The following FARS2 variants were observed in gnomAD, a reference collection of about 807,000 sequenced individuals.
The protein encoded by FARS2 is phenylalanine--tRNA ligase, mitochondrial.
In FARS2, 40 loss-of-function variants were observed where a neutral mutation model predicts 46.4. That is an observed-to-expected ratio of 0.86 (90% CI 0.67 to 1.12). The LOEUF (loss-of-function observed/expected upper bound fraction) is 1.12, where lower values mean the gene tolerates loss of function less well. Ranked by LOEUF, FARS2 falls within the 50% of genes most tolerant of loss-of-function variation. The pLI, the probability that FARS2 is intolerant of heterozygous loss-of-function variation, is 0.00. For missense variants in FARS2, 513 were observed against 567.9 expected (o/e 0.90, Z 0.98); for synonymous variants, 234 against 214.9 (o/e 1.09, Z -0.78).
At chr6:5,475,126 A>T (rs1347667457) in intron 4 of FARS2, among the ~76,000 whole-genome samples, 1 of 152,218 alleles carries the variant, frequency 6.6e-6, no homozygotes, top group Non-Finnish European at 1.5e-5. Context: ...GATTGTTTGC[A>T]GATAGGAGAA....
intron 5 of FARS2, among the ~76,000 whole-genome samples, chr6:5,590,683 G>A (rs755248567): frequency 6.6e-6 from 1 of 152,192 alleles, no homozygotes; most frequent in Non-Finnish European, 1.5e-5. Context: ...ATATTAGTCA[G>A]TGGAAGTACA....
intron 4 of FARS2, among the ~76,000 whole-genome samples, chr6:5,540,987 T>C (rs1172726508): frequency 6.6e-6 from 1 of 152,140 alleles, no homozygotes; most frequent in Admixed American, 6.5e-5. Flanking sequence ...GGTGCTGTTG[T>C]TAGGGGTTAT....
intron 5 of FARS2, among the ~76,000 whole-genome samples, chr6:5,591,249 C>T (rs2150603819): frequency 6.6e-6 from 1 of 152,286 alleles, no homozygotes; most frequent in African/African-American, 2.4e-5. Context: ...GTTTAGGTGT[C>T]TGAAAGTCAC....
At chr6:5,350,187 T>G (rs968488224) in intron 1 of FARS2, among the ~76,000 whole-genome samples, 3 of 114,140 alleles carry the variant, frequency 2.6e-5, no homozygotes, top group African/African-American at 8.6e-5. Context: ...TTTTTTTTTT[T>G]TGTAGAGTTG....
chr6:5,601,197 C>T (rs1183297368), intron 5 of FARS2, among the ~76,000 whole-genome samples: 1 of 151,952 alleles, frequency 6.6e-6, no homozygotes, highest in Non-Finnish European at 1.5e-5. Flanking sequence ...TTACAGCAGC[C>T]CAAGCTACAT....
chr6:5,361,380 T>C (rs1178398168), intron 1 of FARS2, among the ~76,000 whole-genome samples: 1 of 152,104 alleles, frequency 6.6e-6, no homozygotes, highest in Non-Finnish European at 1.5e-5. Flanking sequence ...CTTCTTTGTG[T>C]TTAACTTCTG....
At chr6:5,715,798 A>G (rs1197712363) in intron 6 of FARS2, among the ~76,000 whole-genome samples, 1 of 152,174 alleles carries the variant, frequency 6.6e-6, no homozygotes, top group Admixed American at 6.5e-5. Context: ...TTTTCTGTAG[A>G]TTAACTTTAA....
intron 5 of FARS2, among the ~76,000 whole-genome samples, chr6:5,576,275 G>A (rs1772957353): frequency 6.6e-6 from 1 of 152,138 alleles, no homozygotes; most frequent in African/African-American, 2.4e-5. Flanking sequence ...AGGAAAGGCA[G>A]ATCCACCCTT....
chr6:5,551,150 A>G (rs1219094016), intron 5 of FARS2, among the ~76,000 whole-genome samples: 1 of 152,194 alleles, frequency 6.6e-6, no homozygotes, highest in Non-Finnish European at 1.5e-5. Context: ...TTTGCTTGGA[A>G]ATTTCCTCAG....
chr6:5,668,270 G>A (rs994129580), intron 6 of FARS2, among the ~76,000 whole-genome samples: 3 of 152,176 alleles, frequency 2.0e-5, no homozygotes, highest in African/African-American at 4.8e-5. Context: ...TGTTTTATAT[G>A]TATCTTATAA....
At chr6:5,383,138 C>T (rs570861727) in intron 2 of FARS2, among the ~76,000 whole-genome samples, 20 of 152,302 alleles carry the variant, frequency 1.3e-4, no homozygotes, top group African/African-American at 2.2e-4. Context: ...ACCATCATAC[C>T]ATTCTTGGGG....
intron 6 of FARS2, among the ~76,000 whole-genome samples, chr6:5,631,451 G>A (rs1313605158): frequency 6.6e-6 from 1 of 152,204 alleles, no homozygotes; most frequent in Non-Finnish European, 1.5e-5. Flanking sequence ...AATCCTAATA[G>A]TTAATAGAAA....
intron 6 of FARS2, among the ~76,000 whole-genome samples, chr6:5,757,597 A>G (rs1371608581): frequency 6.6e-6 from 1 of 152,234 alleles, no homozygotes; most frequent in African/African-American, 2.4e-5. Context: ...TTGAGGTGGG[A>G]TATAGCTGAG....
chr6:5,607,285 ATGTGTGTGTGTGTG>A (rs200898031), intron 5 of FARS2, among the ~76,000 whole-genome samples: 7,692 of 74,956 alleles, frequency 0.1, 457 homozygotes, highest in African/African-American at 0.22. Context: ...AATAATATGT[ATGTGTGTGTGTGTG>A]TGTGTGTGTG....
intron 6 of FARS2, among the ~76,000 whole-genome samples, chr6:5,758,375 C>T (rs760475629): frequency 2.6e-5 from 4 of 152,152 alleles, no homozygotes; most frequent in South Asian, 2.1e-4. Context: ...AATGAAGTCT[C>T]CCTTTTATAG....
intron 4 of FARS2, among the ~76,000 whole-genome samples, chr6:5,540,249 C>G (rs1272560042): frequency 6.6e-6 from 1 of 152,160 alleles, no homozygotes; most frequent in Non-Finnish European, 1.5e-5. Flanking sequence ...CTTATTGTTT[C>G]TGATATTTCT....
At chr6:5,428,057 A>T (rs1034746225) in intron 3 of FARS2, among the ~76,000 whole-genome samples, 2 of 152,206 alleles carry the variant, frequency 1.3e-5, no homozygotes, top group Non-Finnish European at 2.9e-5. Context: ...GGGTGTGTGT[A>T]AACAGGGACC....
chr6:5,437,403 G>A (rs1357418025), intron 4 of FARS2, among the ~76,000 whole-genome samples: 2 of 152,114 alleles, frequency 1.3e-5, no homozygotes, highest in African/African-American at 4.8e-5. Context: ...TATGTTTACT[G>A]ATTTTTTGGT....
rs9504441 is a variant in FARS2, at chr6:5,597,198, T to C, written c.1066-15971T>C. Among the ~76,000 whole-genome samples the C allele has an allele frequency of 6.1e-3, 925 of 152,316 alleles. 7 individuals carry two copies. Among genetic ancestry groups the C allele is most frequent in the African/African-American group, 0.021 (870 of 41,574 alleles). On this transcript the variant is annotated intron_variant, in intron 5 of 6. Coordinates refer to ENST00000274680, the MANE Select transcript of FARS2 (RefSeq NM_006567.5). ...GACCCAACAGATGGCCAAAAACTTG[T>C]AAATATTCACCCATGTTTTGTTATT...
Sources: gnomAD v4.1 joint callset for allele counts (sites outside exome capture counted in the v4.1 genomes callset) on GRCh38, gnomAD v4.1.1 for gene constraint, MANE v1.5 for transcripts, NCBI Gene and HGNC (gene_info 2026-07-23, HGNC 2026-07-21) for gene names.